LMBRD1: variants seen among roughly 807,000 people sequenced by gnomAD.
The protein encoded by LMBRD1 is LMBR1 domain containing 1, also known as lysosomal cobalamin transport escort protein LMBD1.
LMBRD1 carries 64 observed loss-of-function variants against 74.8 expected under a neutral mutation model. The observed-to-expected ratio is 0.86, with a 90% CI of 0.70 to 1.05. LMBRD1 has a LOEUF of 1.05. Ranked by LOEUF, LMBRD1 falls within the 50% of genes least tolerant of loss-of-function variation. LMBRD1 has a pLI of 0.00. For missense variants in LMBRD1, 652 were observed against 645.9 expected (o/e 1.01, Z -0.10); for synonymous variants, 204 against 216.3 (o/e 0.94, Z 0.50).
chr6:69,711,589 A>G (rs1766384923), intron 9 of LMBRD1, among the ~76,000 whole-genome samples: 1 of 152,180 alleles, frequency 6.6e-6, no homozygotes, highest in Non-Finnish European at 1.5e-5. Context: ...CTATGAAGAC[A>G]AATCACCTTG....
chr6:69,784,821 C>A (rs748802288), intron 2 of LMBRD1, among the ~76,000 whole-genome samples: 1 of 151,838 alleles, frequency 6.6e-6, no homozygotes, highest in Non-Finnish European at 1.5e-5. Context: ...CCTGCAATAC[C>A]TTCTCTCCCC....
chr6:69,702,470 T>C (rs1766155503), intron 9 of LMBRD1, among the ~76,000 whole-genome samples: 2 of 151,918 alleles, frequency 1.3e-5, no homozygotes, highest in South Asian at 4.2e-4. Context: ...TGAAACAGAG[T>C]ACTAACAACA....
intron 14 of LMBRD1, among the ~76,000 whole-genome samples, chr6:69,690,732 G>T (rs1765859038): frequency 6.6e-6 from 1 of 151,968 alleles, no homozygotes; most frequent in East Asian, 1.9e-4. Flanking sequence ...AATATCTTGT[G>T]TACCTCATAA....
chr6:69,677,315 G>C (rs1415869769), intron 14 of LMBRD1, among the ~76,000 whole-genome samples: 1 of 152,132 alleles, frequency 6.6e-6, no homozygotes, highest in African/African-American at 2.4e-5. Context: ...TTTGGAATGA[G>C]GGTCTTATGA....
chr6:69,773,894 A>G (rs568101226), intron 3 of LMBRD1, among the ~76,000 whole-genome samples: 3 of 152,340 alleles, frequency 2.0e-5, no homozygotes, highest in African/African-American at 7.2e-5. Flanking sequence ...TGCCTGCATC[A>G]ATATAGATGT....
intron 6 of LMBRD1, among the ~76,000 whole-genome samples, 156 bp downstream of exon 6, chr6:69,741,633 C>G (rs547298596): frequency 5.3e-5 from 8 of 152,218 alleles, no homozygotes; most frequent in South Asian, 2.1e-4. Context: ...ATCCACCCCC[C>G]ACCCCTCGGC....
intron 9 of LMBRD1, among the ~76,000 whole-genome samples, chr6:69,708,389 T>C (rs1008190565): frequency 2.6e-5 from 4 of 152,216 alleles, no homozygotes; most frequent in Non-Finnish European, 4.4e-5. Flanking sequence ...TTTTCTGAGC[T>C]GTTTACATCA....
chr6:69,682,577 A>C (rs1212617643), intron 14 of LMBRD1, among the ~76,000 whole-genome samples: 1 of 151,974 alleles, frequency 6.6e-6, no homozygotes, highest in Non-Finnish European at 1.5e-5. Flanking sequence ...TTAGCATATA[A>C]AATGTAGAAA....
At position 69,758,371 on chromosome 6, in the gene LMBRD1, AC is replaced by A. The variant is rs146968588; in HGVS notation, c.308-6016del. Among the ~76,000 whole-genome samples the A allele has an allele frequency of 7.0e-3, 1,070 of 152,276 alleles. 23 individuals carry two copies. The East Asian group carries it at 0.079, about 11-fold the overall frequency. ...AAAAGCCTTCTAAAATTATCTATTTACCCAGCTGAAAAACTCCTGAGTCGAG... is the reference window on the plus strand; with the variant it reads ...AAAAGCCTTCTAAAATTATCTATTTACCAGCTGAAAAACTCCTGAGTCGAG... On this transcript the variant is annotated intron_variant, in intron 3 of 15. Transcript: ENST00000649934.
intron 3 of LMBRD1, among the ~76,000 whole-genome samples, chr6:69,760,286 G>A (rs1177162774): frequency 6.6e-6 from 1 of 152,160 alleles, no homozygotes; most frequent in East Asian, 1.9e-4. Flanking sequence ...TCAATAATCT[G>A]TATAAATGTC....
At chr6:69,749,122 G>A (rs867380089) in intron 5 of LMBRD1, among the ~76,000 whole-genome samples, 2 of 151,892 alleles carry the variant, frequency 1.3e-5, no homozygotes, top group Non-Finnish European at 2.9e-5. Flanking sequence ...GAAGGGAGGT[G>A]AACTCTGCTT....
intron 1 of LMBRD1, among the ~76,000 whole-genome samples, chr6:69,793,710 T>C (rs941575799): frequency 1.4e-5 from 2 of 147,396 alleles, no homozygotes; most frequent in Non-Finnish European, 1.5e-5. Context: ...AACATTCATG[T>C]CCTGAATCTT....
At chr6:69,727,423 T>G (rs1766760080) in intron 7 of LMBRD1, among the ~76,000 whole-genome samples, 1 of 152,204 alleles carries the variant, frequency 6.6e-6, no homozygotes, top group Non-Finnish European at 1.5e-5. Flanking sequence ...GATTTTGGAT[T>G]TTCAGATTAG....
intron 9 of LMBRD1, among the ~76,000 whole-genome samples, chr6:69,709,195 T>C (rs921348598): frequency 7.9e-5 from 12 of 151,876 alleles, no homozygotes; most frequent in African/African-American, 2.2e-4. Flanking sequence ...GATTGCGCCA[T>C]TGGACTCCAG....
chr6:69,784,901 T>C lies in LMBRD1; in HGVS notation c.247-4347A>G, dbSNP rs536263472. On this transcript the variant is annotated intron_variant, in intron 2 of 15. Transcript: ENST00000649934. Reference sequence around the variant, plus strand: ...CTAGTAACTATTAAACACAAAGAGATACACAAACACCACAAATAAAAACAC... The same window carrying C: ...CTAGTAACTATTAAACACAAAGAGACACACAAACACCACAAATAAAAACAC... Among the ~76,000 whole-genome samples the C allele has an allele frequency of 1.9e-4, 29 of 152,248 alleles. No homozygotes were observed. In the South Asian group the frequency reaches 6.0e-3, roughly 32 times the overall value.
intron 3 of LMBRD1, among the ~76,000 whole-genome samples, chr6:69,755,069 C>T (rs1309351709): frequency 6.6e-6 from 1 of 152,168 alleles, no homozygotes; most frequent in Non-Finnish European, 1.5e-5. Flanking sequence ...ACCCAGCAAT[C>T]CCATTACTGA....
chr6:69,732,210 A>G (rs1052478701), intron 7 of LMBRD1, among the ~76,000 whole-genome samples: 1 of 152,156 alleles, frequency 6.6e-6, no homozygotes, highest in South Asian at 2.1e-4. Context: ...TAAAATTCGT[A>G]TGTTGAAATC....
At chr6:69,749,461 A>C in intron 4 of LMBRD1, 53 bp from the exon 5 acceptor site, 1 of 1,391,336 alleles carries the variant, frequency 7.2e-7, no homozygotes, top group South Asian at 1.2e-5. Flanking sequence ...TTAAAATATA[A>C]AATATTCTTG....
intron 3 of LMBRD1, among the ~76,000 whole-genome samples, chr6:69,777,269 T>C (rs1765725102): frequency 6.6e-6 from 1 of 151,954 alleles, no homozygotes; most frequent in African/African-American, 2.4e-5. Context: ...CTGGCCAACA[T>C]GGTGAAACTT....
Sources: allele counts gnomAD v4.1 joint callset (sites outside exome capture counted in the v4.1 genomes callset), GRCh38; gene constraint gnomAD v4.1.1; transcripts MANE v1.5; gene names NCBI Gene and HGNC (gene_info 2026-07-23, HGNC 2026-07-21).